Variants in CNDP1 observed in about 807,000 individuals in gnomAD.
CNDP1 encodes the protein carnosine dipeptidase 1, also known as beta-Ala-His dipeptidase.
In CNDP1, 44 loss-of-function variants were observed where a neutral mutation model predicts 58.1. The ratio of observed to expected loss-of-function variants is 0.76; its 90% CI spans 0.60 to 0.97. The LOEUF is 0.97. Ranked by LOEUF, CNDP1 falls within the 50% of genes least tolerant of loss-of-function variation. The pLI is 0.00. For missense variants in CNDP1, 616 were observed against 655.1 expected (o/e 0.94, Z 0.65); for synonymous variants, 254 against 252.6 (o/e 1.01, Z -0.05).
At chr18:74,550,888 C>T (rs527415153) in intron 1 of CNDP1, among the ~76,000 whole-genome samples, 15 of 152,148 alleles carry the variant, frequency 9.9e-5, no homozygotes, top group South Asian at 8.3e-4. Context: ...ACGTGAGCCA[C>T]CATGCCCAGC....
intron 4 of CNDP1, among the ~76,000 whole-genome samples, chr18:74,561,830 A>G (rs959255768): frequency 6.6e-6 from 1 of 152,128 alleles, no homozygotes; most frequent in Non-Finnish European, 1.5e-5. Flanking sequence ...CTAGCTGATG[A>G]CTGTACTATT....
intron 2 of CNDP1, among the ~76,000 whole-genome samples, chr18:74,557,106 C>T (rs958274133): frequency 5.3e-5 from 8 of 151,922 alleles, no homozygotes; most frequent in South Asian, 4.2e-4. Flanking sequence ...TCAGTAGAGA[C>T]GGGATTTCCC....
At chr18:74,577,349 C>A (rs554241370) in intron 8 of CNDP1, 21 of 190,932 alleles carry the variant, frequency 1.1e-4, no homozygotes, top group Middle Eastern at 1.9e-3. Context: ...GACTTCTTAC[C>A]TTTTCAAAGA....
At chr18:74,577,316 G>A (rs11661606) in intron 8 of CNDP1, 45,424 of 232,270 alleles carry the variant, frequency 0.2, 4,800 homozygotes, top group African/African-American at 0.29. Flanking sequence ...TAAATCCCAC[G>A]TCAGCCTTCA....
At chr18:74,549,091 A>G (rs1980833976) in intron 1 of CNDP1, among the ~76,000 whole-genome samples, 1 of 152,168 alleles carries the variant, frequency 6.6e-6, no homozygotes, top group African/African-American at 2.4e-5. Context: ...TGGCTGCAGC[A>G]TTTACCCTGA....
chr18:74,571,034 T>A (rs980035457), intron 6 of CNDP1, 152 bp from the exon 7 acceptor site: 5 of 575,216 alleles, frequency 8.7e-6, no homozygotes, highest in Non-Finnish European at 1.6e-5. Flanking sequence ...CCAGTCCCCA[T>A]GACTGAGAAA....
intron 6 of CNDP1, among the ~76,000 whole-genome samples, chr18:74,569,213 G>A (rs548147332): frequency 5.3e-5 from 8 of 152,242 alleles, no homozygotes; most frequent in East Asian, 3.9e-4. Context: ...CCTAGTGAAC[G>A]GAAAGTCTTA....
chr18:74,558,073 G>A (rs1417736134), intron 2 of CNDP1, among the ~76,000 whole-genome samples: 1 of 152,188 alleles, frequency 6.6e-6, no homozygotes, highest in Non-Finnish European at 1.5e-5. Flanking sequence ...GTTTAAAAAT[G>A]TCAAACACAA....
At chr18:74,542,602 G>A (rs1183827954) in intron 1 of CNDP1, among the ~76,000 whole-genome samples, 1 of 152,026 alleles carries the variant, frequency 6.6e-6, no homozygotes, top group South Asian at 2.1e-4. Flanking sequence ...TTGTTTTTTT[G>A]TTTTTGAGAC....
At chr18:74,551,674 C>T (rs2144648189) in intron 1 of CNDP1, among the ~76,000 whole-genome samples, 1 of 152,306 alleles carries the variant, frequency 6.6e-6, no homozygotes, top group Non-Finnish European at 1.5e-5. Flanking sequence ...GAGACCAGGG[C>T]TAAGCTGCTC....
At chr18:74,565,524 T>G (rs1314658526) in intron 5 of CNDP1, among the ~76,000 whole-genome samples, 1 of 152,282 alleles carries the variant, frequency 6.6e-6, no homozygotes, top group East Asian at 1.9e-4. Flanking sequence ...ATGGGAGAAA[T>G]TGGCCAAAAC....
intron 2 of CNDP1, among the ~76,000 whole-genome samples, chr18:74,558,610 G>C (rs1045357599): frequency 6.6e-6 from 1 of 151,984 alleles, no homozygotes; most frequent in African/African-American, 2.4e-5. Flanking sequence ...TAGCCAGGAT[G>C]GTCTGGATCT....
At chr18:74,584,178 A>G in intron 11 of CNDP1, 1 of 380,342 alleles carries the variant, frequency 2.6e-6, no homozygotes. Flanking sequence ...GGCAGATACT[A>G]CAAGATCTCC....
chr18:74,583,521 T>C, intron 10 of CNDP1, 40 bp from the exon 11 acceptor site: 2 of 1,590,018 alleles, frequency 1.3e-6, no homozygotes, highest in Non-Finnish European at 1.7e-6. Flanking sequence ...GGGGTGTTCT[T>C]GTCCTTACCC....
In CNDP1 at chr18:74,559,381, G is replaced by C; in HGVS notation, c.212G>C (p.Arg71Thr). The C allele has an allele frequency of 6.2e-7, 1 of 1,614,024 alleles. No individual in the cohort carries two copies. The highest frequency in any genetic ancestry group is 8.5e-7 in the Non-Finnish European group (1 of 1,180,024). ...SDSVQPVPRF[R>T]QELFRMMAVA... The stretch of plus-strand genomic sequence containing the variant: ...TCTGTCCAGCCTGTGCCTCGCTTCA[G>C]ACAAGAGCTCTTCAGAATGATGGCC... Residue 71 changes from arginine to threonine, a missense_variant, in exon 3 of 12, where the codon AGA (arginine) becomes ACA (threonine). Arg to Thr is a moderately conservative substitution (Grantham distance 71, BLOSUM62 -1). Coordinates refer to ENST00000358821, the MANE Select transcript of CNDP1 (RefSeq NM_032649.6).
At position 74,559,214 on chromosome 18, in the gene CNDP1, A is replaced by C. The variant is rs893282720; in HGVS notation, c.154-109A>C. ...ACTGTCATAGGTCCTCAGGTCCTTG[A>C]TCAACAGAAAAGTACCTGGGGACTC... On this transcript the variant is annotated intron_variant, in intron 2 of 11. Transcript: ENST00000358821. The C allele has an allele frequency of 1.6e-5, 17 of 1,040,636 alleles. No individual in the cohort carries two copies. In the Admixed American group the frequency reaches 2.6e-4, roughly 16 times the overall value. 64.5% of individuals were successfully genotyped at this position (1,040,636 alleles called of 1,614,324 possible).
At chr18:74,556,215 T>C in intron 1 of CNDP1, 123 bp from the exon 2 acceptor site, 1 of 1,078,744 alleles carries the variant, frequency 9.3e-7, no homozygotes, top group African/African-American at 1.6e-5. Context: ...CTTGTGTTAT[T>C]TTATTCCGAC....
At chr18:74,546,550 G>A (rs757508872) in intron 1 of CNDP1, among the ~76,000 whole-genome samples, 38 of 152,136 alleles carry the variant, frequency 2.5e-4, no homozygotes, top group Non-Finnish European at 4.1e-4. Flanking sequence ...GTATTCTCTC[G>A]TGCCACCCCC....
chr18:74,575,216 G>A (rs573899632), intron 7 of CNDP1, among the ~76,000 whole-genome samples: 2 of 152,330 alleles, frequency 1.3e-5, no homozygotes, highest in East Asian at 3.9e-4. Flanking sequence ...TCCCAGTCCA[G>A]CAATAGGGAA....
Sources: allele counts gnomAD v4.1 joint callset (sites outside exome capture counted in the v4.1 genomes callset), GRCh38; gene constraint gnomAD v4.1.1; transcripts MANE v1.5; gene names NCBI Gene and HGNC (gene_info 2026-07-23, HGNC 2026-07-21).